The following TMEM268 variants were observed in gnomAD, a reference collection of about 807,000 sequenced individuals.
TMEM268 encodes the protein transmembrane protein C9orf91.
A neutral mutation model predicts 39.1 loss-of-function variants in TMEM268; 24 were observed. The ratio of observed to expected loss-of-function variants is 0.61; its 90% CI spans 0.44 to 0.86. The LOEUF (loss-of-function observed/expected upper bound fraction) is 0.86, where lower values mean the gene tolerates loss of function less well. Ranked by LOEUF, TMEM268 falls within the 40% of genes least tolerant of loss-of-function variation. TMEM268 has a pLI of 0.00. For missense variants in TMEM268, 409 were observed against 428.6 expected (o/e 0.95, Z 0.40); for synonymous variants, 176 against 173.5 (o/e 1.01, Z -0.12).
chr9:114,626,523 T>G (rs1377008044), intron 3 of TMEM268, among the ~76,000 whole-genome samples: 1 of 152,238 alleles, frequency 6.6e-6, no homozygotes, highest in Non-Finnish European at 1.5e-5. Context: ...TTATTATCCT[T>G]ATTTTACAGA....
rs1846568590 is a variant in TMEM268 at position 114,635,015 on chromosome 9, CAT to C, written c.585+1138_585+1139del. Among the ~76,000 whole-genome samples, 3 of 152,078 alleles carry C rather than the reference CAT, an allele frequency of 2.0e-5. No individual in the cohort carries two copies. The South Asian group carries it at 6.2e-4, about 31-fold the overall frequency. On this transcript the variant is annotated intron_variant, in intron 6 of 8. Coordinates refer to ENST00000288502, the MANE Select transcript of TMEM268 (RefSeq NM_153045.4). ...CCGTTGGCACGTAGGAGTGGCTTGA[CAT>C]GTGTTAGATGAATGCACGGATGGAT...
In TMEM268 at chr9:114,617,139, G is replaced by A; in HGVS notation, c.-57G>A. On this transcript the variant is annotated 5_prime_UTR_variant, in exon 2 of 9. Transcript: ENST00000288502. ...GAAGGCATATGATGCTGAGCTGGCT[G>A]CTCCAGAATGAACCACAGCTCTGAG... 2 of 1,168,060 alleles carry A rather than the reference G, an allele frequency of 1.7e-6. No individual in the cohort carries two copies. The highest frequency in any genetic ancestry group is 2.5e-6 in the Non-Finnish European group (2 of 807,228). 72.4% of individuals were successfully genotyped at this position (1,168,060 alleles called of 1,614,324 possible).
chr9:114,636,456 G>T (rs1190462377), intron 6 of TMEM268, among the ~76,000 whole-genome samples: 1 of 150,512 alleles, frequency 6.6e-6, no homozygotes, highest in Non-Finnish European at 1.5e-5. Flanking sequence ...TGGGAAATGG[G>T]GCCGCAGCCA....
chr9:114,614,204 T>C (rs2133588651), intron 1 of TMEM268, among the ~76,000 whole-genome samples: 1 of 152,340 alleles, frequency 6.6e-6, no homozygotes, highest in African/African-American at 2.4e-5. Flanking sequence ...AAGTCTTCAA[T>C]GTTTTCATAG....
In TMEM268 at chr9:114,638,579, T is replaced by C; in HGVS notation, c.702T>C (p.Val234=). 6.3e-7 allele frequency: 1 copy of C among 1,598,402 alleles called. No homozygotes were observed. The highest frequency in any genetic ancestry group is 8.5e-7 in the Non-Finnish European group (1 of 1,173,244). The part of the protein sequence containing the change: ...LLRSRLSQLC[V]VMETGVSPAT... ...GAAGCAGATTGAGCCAGTTGTGTGT[T>C]GTCATGGAGACTGGGGTGAGCCCTG... Residue 234 remains valine, a synonymous_variant, in exon 8 of 9, where the codon GTT becomes GTC. Coordinates refer to ENST00000288502, the MANE Select transcript of TMEM268 (RefSeq NM_153045.4).
chr9:114,627,944 C>T lies in TMEM268; in HGVS notation c.325-157C>T, dbSNP rs62579680. On this transcript the variant is annotated intron_variant, in intron 4 of 8. Transcript: ENST00000288502. ...TAAACAAGGAACATTAGCTCATTCT[C>T]ACAGATCCAGGTGACTGCATCAATC... Among the ~76,000 whole-genome samples, 11,757 of 152,274 alleles carry T rather than the reference C, an allele frequency of 0.077. 625 individuals are homozygous for T. The highest frequency in any genetic ancestry group is 0.15 in the South Asian group (716 of 4,828).
chr9:114,625,436 T>A (rs976883002), intron 3 of TMEM268, among the ~76,000 whole-genome samples: 12 of 130,614 alleles, frequency 9.2e-5, no homozygotes, highest in African/African-American at 2.9e-4. Context: ...AGAATTTACT[T>A]CTTCTTCTTT....
chr9:114,630,685 A>G (rs1225370224), intron 5 of TMEM268, among the ~76,000 whole-genome samples: 1 of 152,232 alleles, frequency 6.6e-6, no homozygotes, highest in Admixed American at 6.5e-5. Context: ...TTAGACACAC[A>G]AAGTGTTTAT....
upstream of TMEM268, among the ~76,000 whole-genome samples, chr9:114,607,154 T>C (rs1206402360): frequency 2.0e-5 from 3 of 152,200 alleles, no homozygotes; most frequent in East Asian, 5.8e-4. Flanking sequence ...GATTTATCTA[T>C]AGTTGAGGCC....
At chr9:114,619,662 C>G (rs1845868946) in intron 2 of TMEM268, among the ~76,000 whole-genome samples, 1 of 152,116 alleles carries the variant, frequency 6.6e-6, no homozygotes, top group Non-Finnish European at 1.5e-5. Flanking sequence ...CACTACCTTC[C>G]CTTCTTGCTT....
chr9:114,609,328 C>CAAAAA (rs1172089618), upstream of TMEM268, among the ~76,000 whole-genome samples: 1 of 150,112 alleles, frequency 6.7e-6, no homozygotes, highest in Non-Finnish European at 1.5e-5. Flanking sequence ...AACAAACAAA[C>CAAAAA]AAACAAACAA....
chr9:114,628,781 C>T (rs1846268925), intron 5 of TMEM268, among the ~76,000 whole-genome samples: 1 of 152,070 alleles, frequency 6.6e-6, no homozygotes, highest in African/African-American at 2.4e-5. Context: ...GTCCTGGATC[C>T]CACTGTTAGT....
At chr9:114,635,414 C>T (rs990367455) in intron 6 of TMEM268, among the ~76,000 whole-genome samples, 44 of 151,866 alleles carry the variant, frequency 2.9e-4, no homozygotes, top group Admixed American at 2.6e-3. Flanking sequence ...CAGTGGCTCA[C>T]CCCTATAATC....
At chr9:114,641,836 C>T (rs1476230492) in intron 8 of TMEM268, among the ~76,000 whole-genome samples, 1 of 151,998 alleles carries the variant, frequency 6.6e-6, no homozygotes, top group Non-Finnish European at 1.5e-5. Context: ...GACGGGGTTT[C>T]ACCATGTTGA....
At chr9:114,618,932 A>G (rs1302514646) in intron 2 of TMEM268, among the ~76,000 whole-genome samples, 1 of 152,198 alleles carries the variant, frequency 6.6e-6, no homozygotes, top group African/African-American at 2.4e-5. Context: ...ACCTTGGCCC[A>G]TAGTAGATGC....
intron 1 of TMEM268, among the ~76,000 whole-genome samples, chr9:114,612,609 G>A (rs1270660266): frequency 6.6e-6 from 1 of 152,184 alleles, no homozygotes; most frequent in Non-Finnish European, 1.5e-5. Flanking sequence ...GACCACACAG[G>A]CTGCCCTGAT....
At chr9:114,605,096 A>G in the TMEM268 span, among the ~76,000 whole-genome samples, 1 of 152,304 alleles carries the variant, frequency 6.6e-6, no homozygotes, top group South Asian at 2.1e-4. Flanking sequence ...GTTGGTCTTT[A>G]TTGTACTCAA....
chr9:114,613,607 GCAT>G (rs2133586754), intron 1 of TMEM268, among the ~76,000 whole-genome samples: 2 of 152,320 alleles, frequency 1.3e-5, no homozygotes, highest in South Asian at 4.1e-4. Context: ...GAAACACTTA[GCAT>G]ATTTAGGAGA....
At chr9:114,622,617 G>T (rs753418211) in intron 2 of TMEM268, 9 of 524,772 alleles carry the variant, frequency 1.7e-5, no homozygotes, top group Non-Finnish European at 2.2e-5. Context: ...GAGGGCGGGG[G>T]CTTTGGTAGC....
Sources: allele counts gnomAD v4.1 joint callset (sites outside exome capture counted in the v4.1 genomes callset), GRCh38; gene constraint gnomAD v4.1.1; transcripts MANE v1.5; gene names NCBI Gene and HGNC (gene_info 2026-07-23, HGNC 2026-07-21).